MDGA2: variants seen among roughly 807,000 people sequenced by gnomAD.
MDGA2 encodes MAM domain-containing glycosylphosphatidylinositol anchor protein 2.
MDGA2 carries 40 observed loss-of-function variants against 117.8 expected under a neutral mutation model. The ratio of observed to expected loss-of-function variants is 0.34; its 90% confidence interval spans 0.26 to 0.44. The LOEUF is 0.44. Ranked by LOEUF, MDGA2 falls within the 20% of genes least tolerant of loss-of-function variation. The pLI is 1.00. For synonymous variants in MDGA2, 452 were observed against 439.0 expected (o/e 1.03, Z -0.37); for missense variants, 1,123 against 1,250.6 (o/e 0.90, Z 1.54).
At chr14:47,628,665 T>C (rs1281803109) in intron 1 of MDGA2, among the ~76,000 whole-genome samples, 2 of 152,320 alleles carry the variant, frequency 1.3e-5, no homozygotes, top group East Asian at 3.9e-4. Context: ...CAAGATATAC[T>C]GAAGGACCTT....
intron 1 of MDGA2, among the ~76,000 whole-genome samples, chr14:47,465,354 C>T (rs1382400168): frequency 6.6e-6 from 1 of 152,060 alleles, no homozygotes; most frequent in Non-Finnish European, 1.5e-5. Context: ...AACTCAAGAG[C>T]TTCTGCACAG....
Position 47,197,090 on chromosome 14 carries a change from C to T in MDGA2, c.595+20931G>A, listed in dbSNP as rs573672949. 2.6e-5 allele frequency among the ~76,000 whole-genome samples: 4 copies of T among 152,216 alleles called. No individual in the cohort carries two copies. The East Asian group carries it at 5.8e-4, about 22-fold the overall frequency. The stretch of plus-strand genomic sequence containing the variant: ...CATTGATGGGTATCTAGGTTGATTC[C>T]CTGTCTTTGATATTGTGAATAGTTC... On this transcript the variant is annotated intron_variant, in intron 3 of 16. Transcript: ENST00000399232.
intron 2 of MDGA2, among the ~76,000 whole-genome samples, chr14:47,245,342 A>G (rs927196460): frequency 6.6e-6 from 1 of 151,890 alleles, no homozygotes; most frequent in Non-Finnish European, 1.5e-5. Context: ...GATATAATAC[A>G]TACAACATAC....
At chr14:47,337,867 C>T (rs1361220290) in intron 1 of MDGA2, among the ~76,000 whole-genome samples, 1 of 152,024 alleles carries the variant, frequency 6.6e-6, no homozygotes, top group Non-Finnish European at 1.5e-5. Flanking sequence ...ACATGTCACA[C>T]CTGCATTGCC....
chr14:47,209,556 T>C (rs1271560044), intron 3 of MDGA2, among the ~76,000 whole-genome samples: 10 of 152,148 alleles, frequency 6.6e-5, no homozygotes, highest in Non-Finnish European at 1.3e-4. Context: ...TGGATAATAA[T>C]TGAGATAGGA....
At chr14:47,181,311 T>A (rs1048352513) in intron 3 of MDGA2, among the ~76,000 whole-genome samples, 2 of 152,056 alleles carry the variant, frequency 1.3e-5, no homozygotes, top group African/African-American at 2.4e-5. Flanking sequence ...TCCACTCCTA[T>A]TTATGAGTGA....
chr14:47,469,172 ATTCTTT>A (rs1359600714), intron 1 of MDGA2, among the ~76,000 whole-genome samples: 2 of 151,486 alleles, frequency 1.3e-5, no homozygotes, highest in Non-Finnish European at 2.9e-5. Flanking sequence ...TTTTTTTATT[ATTCTTT>A]AAGTTTTAGG....
chr14:46,949,152 G>A (rs1400419309), intron 9 of MDGA2, among the ~76,000 whole-genome samples: 4 of 151,980 alleles, frequency 2.6e-5, no homozygotes, highest in Non-Finnish European at 5.9e-5. Flanking sequence ...AGGAAGCAAG[G>A]CCACAAAGAA....
intron 2 of MDGA2, among the ~76,000 whole-genome samples, chr14:47,244,608 A>G (rs1352547610): frequency 6.6e-6 from 1 of 151,860 alleles, no homozygotes; most frequent in Non-Finnish European, 1.5e-5. Flanking sequence ...ATCTATGTCA[A>G]TACTGATTTC....
chr14:47,339,974 C>T (rs746929442), intron 1 of MDGA2, among the ~76,000 whole-genome samples: 12 of 152,064 alleles, frequency 7.9e-5, no homozygotes, highest in Non-Finnish European at 1.5e-5. Context: ...TTCAGACTTA[C>T]ATAGTCCTAA....
At chr14:46,860,958 G>A (rs1881482958) in intron 14 of MDGA2, among the ~76,000 whole-genome samples, 1 of 151,660 alleles carries the variant, frequency 6.6e-6, no homozygotes, top group Non-Finnish European at 1.5e-5. Flanking sequence ...TTTATTCTAT[G>A]GAATCTTCAT....
At chr14:46,953,215 T>TAA (rs10644327) in intron 9 of MDGA2, among the ~76,000 whole-genome samples, 17,712 of 151,250 alleles carry the variant, frequency 0.12, 1,967 homozygotes, top group African/African-American at 0.27. Context: ...TTCCTGACTG[T>TAA]AAAAAAAATC....
intron 1 of MDGA2, among the ~76,000 whole-genome samples, chr14:47,357,956 G>T (rs1296044444): frequency 6.6e-6 from 1 of 152,110 alleles, no homozygotes; most frequent in African/African-American, 2.4e-5. Flanking sequence ...TGTCTCAGAG[G>T]GGGATTTGTA....
At chr14:47,633,677 T>C (rs1398308641) in intron 1 of MDGA2, among the ~76,000 whole-genome samples, 1 of 152,182 alleles carries the variant, frequency 6.6e-6, no homozygotes, top group African/African-American at 2.4e-5. Flanking sequence ...ACACTGCACA[T>C]TTTGCTTATT....
intron 1 of MDGA2, among the ~76,000 whole-genome samples, chr14:47,595,874 G>A (rs12882961): frequency 0.54 from 82,676 of 152,058 alleles, 23,400 homozygotes; most frequent in East Asian, 0.71. Flanking sequence ...TGCATAAGGT[G>A]TAATGTTTTT....
rs1326313534 is a variant in MDGA2, at chr14:47,175,234, G to C, written c.596-30960C>G. 7.9e-5 allele frequency among the ~76,000 whole-genome samples: 12 copies of C among 151,784 alleles called. 1 individual carries two copies. In the South Asian group the frequency reaches 1.5e-3, roughly 18 times the overall value. Reference sequence around the variant, plus strand: ...CTACCAGAGGTACAAGGAGGAACTGGTACCATTCCTTGTGAAACTATTCCA... The same window carrying C: ...CTACCAGAGGTACAAGGAGGAACTGCTACCATTCCTTGTGAAACTATTCCA... On this transcript the variant is annotated intron_variant, in intron 3 of 16. Transcript: ENST00000399232.
intron 2 of MDGA2, among the ~76,000 whole-genome samples, chr14:47,277,544 T>A (rs1215641145): frequency 1.3e-5 from 2 of 152,160 alleles, no homozygotes; most frequent in African/African-American, 2.4e-5. Context: ...TTGGACAATA[T>A]TGACCAGAGA....
intron 7 of MDGA2, among the ~76,000 whole-genome samples, chr14:47,048,070 T>A (rs1005292690): frequency 6.6e-6 from 1 of 152,082 alleles, no homozygotes; most frequent in Admixed American, 6.6e-5. Context: ...TGGCACATAA[T>A]ACAGATATCT....
At chr14:47,624,662 T>G (rs898579525) in intron 1 of MDGA2, among the ~76,000 whole-genome samples, 4 of 152,152 alleles carry the variant, frequency 2.6e-5, no homozygotes, top group Non-Finnish European at 5.9e-5. Context: ...GCAAATAATT[T>G]CCCTATATGC....
Sources: gnomAD v4.1 joint callset for allele counts (sites outside exome capture counted in the v4.1 genomes callset) on GRCh38, gnomAD v4.1.1 for gene constraint, MANE v1.5 for transcripts, NCBI Gene and HGNC (gene_info 2026-07-23, HGNC 2026-07-21) for gene names.